The following ZNF501 variants were observed in gnomAD, a reference collection of about 807,000 sequenced individuals.
The protein encoded by ZNF501 is zinc finger protein 52.
A neutral mutation model predicts 5.7 loss-of-function variants in ZNF501; 7 were observed. The observed-to-expected ratio is 1.24, with a 90% CI of 0.70 to 2.32. ZNF501 has a LOEUF of 2.32. Ranked by LOEUF, ZNF501 falls within the 30% of genes most tolerant of loss-of-function variation. The pLI, the probability that ZNF501 is intolerant of heterozygous loss-of-function variation, is 0.00. For synonymous variants in ZNF501, 107 were observed against 101.9 expected (o/e 1.05, Z -0.30); for missense variants, 352 against 321.1 (o/e 1.10, Z -0.73).
chr3:44,730,209 A>C (rs1704589377), intron 1 of ZNF501, among the ~76,000 whole-genome samples, 194 bp downstream of exon 1: 1 of 152,208 alleles, frequency 6.6e-6, no homozygotes, highest in Non-Finnish European at 1.5e-5. Context: ...CAACCCTATA[A>C]AGTAGTTACT....
rs138255914 is a variant in ZNF501 at position 44,735,221 on chromosome 3, T to G, written c.800T>G (p.Leu267Arg). The change falls in exon 3 of 3, where the codon CTT becomes CGT. Residue 267 changes from leucine to arginine, a missense_variant. Physicochemically the swap from Leu to Arg is moderately radical, Grantham distance 102. Transcript: ENST00000620116. ...HSSALLRHQR[L>R]HAGE is the part of the protein sequence containing the mutation. ...TCAGCACTTCTTCGACATCAGAGGC[T>G]TCATGCTGGAGAGTAAAATTTGGAA... is the stretch of plus-strand genomic sequence containing the variant. 1 of 1,568,834 alleles carries G rather than the reference T, an allele frequency of 6.4e-7. No homozygotes were observed. Among genetic ancestry groups the G allele is most frequent in the South Asian group, 1.2e-5 (1 of 84,420 alleles).
At position 44,734,198 on chromosome 3, in the gene ZNF501, G is replaced by A; in HGVS notation, c.-224G>A. On this transcript the variant is annotated splice_region_variant and 5_prime_UTR_variant, in exon 3 of 3. Transcript: ENST00000620116. Reference sequence around the variant, plus strand: ...CCTGTCACTACTTAATCTCTTCAGAGAGGCTGATCATCAGGGGTTCACTTT... The same window carrying A: ...CCTGTCACTACTTAATCTCTTCAGAAAGGCTGATCATCAGGGGTTCACTTT... 1 of 508,680 alleles carries A rather than the reference G, an allele frequency of 2.0e-6. No individual in the cohort carries two copies. The highest frequency in any genetic ancestry group is 3.5e-6 in the Non-Finnish European group (1 of 287,316). 31.5% of individuals were successfully genotyped at this position (508,680 alleles called of 1,614,324 possible).
Position 44,735,208 on chromosome 3 carries a change from C to G in ZNF501, c.787C>G (p.Arg263Gly). ...CTTTAGGCACAGTTCAGCACTTCTTCGACATCAGAGGCTTCATGCTGGAGA... is the reference window on the plus strand; with the variant it reads ...CTTTAGGCACAGTTCAGCACTTCTTGGACATCAGAGGCTTCATGCTGGAGA... ...KSFRHSSALL[R>G]HQRLHAGE The change falls in exon 3 of 3, where the codon CGA becomes GGA. Residue 263 changes from arginine (R) to glycine (G), a missense_variant. Arg to Gly is a moderately radical substitution (Grantham distance 125). Coordinates refer to ENST00000620116, the MANE Select transcript of ZNF501 (RefSeq NM_001258280.2). The G allele has an allele frequency of 6.3e-7, 1 of 1,583,358 alleles. No individual in the cohort carries two copies. Among genetic ancestry groups the G allele is most frequent in the Non-Finnish European group, 8.6e-7 (1 of 1,162,408 alleles).
In ZNF501 at chr3:44,735,087, G is replaced by A; in HGVS notation, c.666G>A (p.Glu222=). The A allele has an allele frequency of 6.2e-7, 1 of 1,614,134 alleles. No homozygotes were observed. The highest frequency in any genetic ancestry group is 8.5e-7 in the Non-Finnish European group (1 of 1,180,014). ...GAGAGAAACTTTATAAGTGTAGTGAGTGTGAAAAAACTTTCCGCAAACAAG... is the reference window on the plus strand; with the variant it reads ...GAGAGAAACTTTATAAGTGTAGTGAATGTGAAAAAACTTTCCGCAAACAAG... ...HTGEKLYKCS[E]CEKTFRKQAH... is the part of the protein sequence containing the mutation. Residue 222 remains glutamate, a synonymous_variant, in exon 3 of 3, where the codon GAG becomes GAA. Coordinates refer to ENST00000620116, the MANE Select transcript of ZNF501 (RefSeq NM_001258280.2).
chr3:44,735,001 G>A lies in ZNF501; in HGVS notation c.580G>A (p.Glu194Lys). The change falls in exon 3 of 3, where the codon GAA (glutamate) becomes AAA (lysine). Residue 194 changes from glutamate (E) to lysine (K), a missense_variant. Glu to Lys is a moderately conservative substitution (Grantham distance 56, BLOSUM62 1). Transcript: ENST00000620116. Reference protein sequence around the residue: ...HSGEKPYTCTECGKAFTQNSS... With the variant: ...HSGEKPYTCTKCGKAFTQNSS... ...AGGAGAGAAGCCCTACACATGCACT[G>A]AATGTGGTAAAGCCTTCACTCAGAA... 1.2e-6 allele frequency: 2 copies of A among 1,614,188 alleles called. No homozygotes were observed. The highest frequency in any genetic ancestry group is 1.7e-6 in the Non-Finnish European group (2 of 1,180,038).
Position 44,734,861 on chromosome 3 carries a change from T to A in ZNF501, c.440T>A (p.Ile147Lys). 6.2e-7 allele frequency: 1 copy of A among 1,613,834 alleles called. No individual in the cohort carries two copies. The highest frequency in any genetic ancestry group is 8.5e-7 in the Non-Finnish European group (1 of 1,180,010). ...TECGKAFSQS[I>K]CLTRHQRSHS... is the part of the protein sequence containing the mutation. ...TGTGGCAAAGCCTTCAGTCAGAGCA[T>A]ATGCCTTACTCGTCATCAGAGAAGT... Residue 147 changes from isoleucine to lysine, a missense_variant, in exon 3 of 3, where the codon ATA (isoleucine) becomes AAA (lysine). Coordinates refer to ENST00000620116, the MANE Select transcript of ZNF501 (RefSeq NM_001258280.2).
In ZNF501 at chr3:44,734,968, A is replaced by G. The variant is rs1235525033; in HGVS notation, c.547A>G (p.Ile183Val). The G allele has an allele frequency of 6.2e-7, 1 of 1,614,172 alleles. No individual in the cohort carries two copies. Among genetic ancestry groups the G allele is most frequent in the Non-Finnish European group, 8.5e-7 (1 of 1,180,018 alleles). Residue 183 changes from isoleucine to valine, a missense_variant, in exon 3 of 3, where the codon ATT (isoleucine) becomes GTT (valine). Physicochemically the swap from Ile to Val is conservative, Grantham distance 29. Coordinates refer to ENST00000620116, the MANE Select transcript of ZNF501 (RefSeq NM_001258280.2). ...QSACLMQHQR[I>V]HSGEKPYTCT... is the part of the protein sequence containing the mutation. ...TGCATGTCTCATGCAGCATCAGAGA[A>G]TTCATTCAGGAGAGAAGCCCTACAC...
intron 2 of ZNF501, 107 bp downstream of exon 2, chr3:44,731,667 A>G (rs1305688499): frequency 6.6e-6 from 1 of 152,064 alleles, no homozygotes; most frequent in Non-Finnish European, 1.5e-5. Context: ...CTAAATGTGG[A>G]CCCAGCAGAA....
intron 2 of ZNF501, among the ~76,000 whole-genome samples, chr3:44,733,161 GT>G (rs1240805166): frequency 6.6e-6 from 1 of 152,106 alleles, no homozygotes; most frequent in Non-Finnish European, 1.5e-5. Flanking sequence ...ATATTTTAAA[GT>G]GAGGATATAT....
At position 44,734,719 on chromosome 3, in the gene ZNF501, C is replaced by A. The variant is rs185663012; in HGVS notation, c.298C>A (p.His100Asn). The change falls in exon 3 of 3, where the codon CAT becomes AAT. Residue 100 changes from histidine to asparagine, a missense_variant. His to Asn is a moderately conservative substitution (Grantham distance 68). Coordinates refer to ENST00000620116, the MANE Select transcript of ZNF501 (RefSeq NM_001258280.2). ...KAILVQHLRI[H>N]TGEKPYKCNE... ...AATTCTTGTTCAGCATCTGAGAATT[C>A]ATACTGGAGAGAAACCCTATAAATG... The A allele has an allele frequency of 4.9e-5, 79 of 1,614,134 alleles. No homozygotes were observed. Among genetic ancestry groups the A allele is most frequent in the Non-Finnish European group, 6.5e-5 (77 of 1,180,020 alleles).
Position 44,734,959 on chromosome 3 carries a change from C to T in ZNF501, c.538C>T (p.His180Tyr), listed in dbSNP as rs1448437619. ...AFNQSACLMQ[H>Y]QRIHSGEKPY... ...TAATCAGAGTGCATGTCTCATGCAG[C>T]ATCAGAGAATTCATTCAGGAGAGAA... Residue 180 changes from histidine (H) to tyrosine (Y), a missense_variant, in exon 3 of 3, where the codon CAT becomes TAT. By Grantham distance (83) the His-to-Tyr change is moderately conservative (BLOSUM62 2). Transcript: ENST00000620116. The T allele has an allele frequency of 6.2e-7, 1 of 1,614,098 alleles. No individual in the cohort carries two copies. The highest frequency in any genetic ancestry group is 1.1e-5 in the South Asian group (1 of 91,082).
intron 1 of ZNF501, among the ~76,000 whole-genome samples, chr3:44,730,641 CT>C (rs1452727768): frequency 6.6e-6 from 1 of 152,164 alleles, no homozygotes; most frequent in Non-Finnish European, 1.5e-5. Flanking sequence ...ATACAGTGTT[CT>C]TTGCATTAGG....
rs1559506096 is a variant in ZNF501 at position 44,734,418 on chromosome 3, C to G, written c.-4C>G. ...GTAAGTATGAATTTGGTGTTACAAG[C>G]AGCATGAATTCCAGCCAAATATCAC... is the stretch of plus-strand genomic sequence containing the variant. On this transcript the variant is annotated 5_prime_UTR_variant, in exon 3 of 3. Transcript: ENST00000620116. The G allele has an allele frequency of 6.2e-7, 1 of 1,608,454 alleles. No homozygotes were observed. The highest frequency in any genetic ancestry group is 1.7e-5 in the Admixed American group (1 of 59,430).
chr3:44,734,736 C>T lies in ZNF501; in HGVS notation c.315C>T (p.Pro105=), dbSNP rs1340342266. Reference sequence around the variant, plus strand: ...TGAGAATTCATACTGGAGAGAAACCCTATAAATGCAATGAATGTGGAAAAG... The same window carrying T: ...TGAGAATTCATACTGGAGAGAAACCTTATAAATGCAATGAATGTGGAAAAG... ...QHLRIHTGEK[P]YKCNECGKAF... is the part of the protein sequence containing the mutation. Residue 105 remains proline (P), a synonymous_variant, in exon 3 of 3, where the codon CCC becomes CCT. Coordinates refer to ENST00000620116, the MANE Select transcript of ZNF501 (RefSeq NM_001258280.2). The T allele has an allele frequency of 6.2e-7, 1 of 1,613,826 alleles. No homozygotes were observed. The highest frequency in any genetic ancestry group is 1.7e-5 in the Admixed American group (1 of 59,990).
intron 2 of ZNF501, 91 bp from the exon 3 acceptor site, chr3:44,734,106 G>A (rs528997422): frequency 4.3e-6 from 1 of 233,370 alleles, no homozygotes; most frequent in South Asian, 1.1e-4. Context: ...AAATTACCTG[G>A]GTTAGTTTTT....
At chr3:44,730,435 G>A (rs1299404080) in intron 1 of ZNF501, among the ~76,000 whole-genome samples, 1 of 152,210 alleles carries the variant, frequency 6.6e-6, no homozygotes, top group East Asian at 1.9e-4. Flanking sequence ...TTTCCCACAA[G>A]GAAGAGGTGT....
chr3:44,734,660 G>A lies in ZNF501; in HGVS notation c.239G>A (p.Cys80Tyr), dbSNP rs753317266. The A allele has an allele frequency of 6.8e-6, 11 of 1,614,030 alleles. No individual in the cohort carries two copies. In the Admixed American group the frequency reaches 1.7e-4, roughly 24 times the overall value. ...CATACCGGAGAGAAACCTTATAAATGTAATGAATGTGAGAAAGCCTTTCAA... is the reference window on the plus strand; with the variant it reads ...CATACCGGAGAGAAACCTTATAAATATAATGAATGTGAGAAAGCCTTTCAA... ...RIHTGEKPYK[C>Y]NECEKAFQTK... is the part of the protein sequence containing the mutation. Residue 80 changes from cysteine (C) to tyrosine (Y), a missense_variant, in exon 3 of 3, where the codon TGT (cysteine) becomes TAT (tyrosine). Transcript: ENST00000620116.
rs1187029162 is a variant in ZNF501, at chr3:44,731,467, C to T, written c.-310-9C>T. Reference sequence around the variant, plus strand: ...GGCAATTTATGAGTGGCTCTTTTTCCTCCCTCAGTGCCTCAAATTCCTGCC... The same window carrying T: ...GGCAATTTATGAGTGGCTCTTTTTCTTCCCTCAGTGCCTCAAATTCCTGCC... On this transcript the variant is annotated splice_polypyrimidine_tract_variant and intron_variant, in intron 1 of 2. Transcript: ENST00000620116. 2 of 152,146 alleles carry T rather than the reference C, an allele frequency of 1.3e-5. No individual in the cohort carries two copies. Among genetic ancestry groups the T allele is most frequent in the Non-Finnish European group, 2.9e-5 (2 of 68,032 alleles). 9.4% of individuals were successfully genotyped at this position (152,146 alleles called of 1,614,324 possible).
chr3:44,735,370 T>TAA lies in ZNF501; in HGVS notation c.*134_*135dup. The TAA allele has an allele frequency of 1.2e-6, 1 of 829,746 alleles. No homozygotes were observed. The highest frequency in any genetic ancestry group is 1.9e-6 in the Non-Finnish European group (1 of 537,950). The allele number at this position is 829,746 out of a possible 1,614,324, so 51.4% of individuals were successfully genotyped here. ...ATTTTGAACAAGAAATGTTGTGTCC[T>TAA]AATGTGTCCTAGTCTGGAGTTTGAT... On this transcript the variant is annotated 3_prime_UTR_variant, in exon 3 of 3. Transcript: ENST00000620116.
Sources: gnomAD v4.1 joint callset for allele counts (sites outside exome capture counted in the v4.1 genomes callset) on GRCh38, gnomAD v4.1.1 for gene constraint, MANE v1.5 for transcripts, NCBI Gene and HGNC (gene_info 2026-07-23, HGNC 2026-07-21) for gene names.